Variants in FAHD1 observed in about 807,000 individuals in gnomAD.
FAHD1 encodes oxaloacetate tautomerase FAHD1, mitochondrial.
In FAHD1, 14 loss-of-function variants were observed where a neutral mutation model predicts 12.7. The ratio of observed to expected loss-of-function variants is 1.10; its 90% CI spans 0.73 to 1.72. FAHD1 has a LOEUF of 1.72. Ranked by LOEUF, FAHD1 falls within the 40% of genes most tolerant of loss-of-function variation. The probability of loss-of-function intolerance (pLI) is 0.00; values close to 1 mark genes in which losing one functional copy is unlikely to be tolerated. For synonymous variants in FAHD1, 153 were observed against 124.9 expected (o/e 1.22, Z -1.50); for missense variants, 351 against 298.9 (o/e 1.17, Z -1.29).
chr16:1,832,240 G>A (rs559506925), downstream of FAHD1, among the ~76,000 whole-genome samples: 3 of 134,728 alleles, frequency 2.2e-5, no homozygotes, highest in East Asian at 2.2e-4. Flanking sequence ...GCATGATCTC[G>A]GCTCACTGCA....
downstream of FAHD1, among the ~76,000 whole-genome samples, chr16:1,833,580 AAGAC>A (rs1898664160): frequency 9.9e-6 from 1 of 101,250 alleles, no homozygotes; most frequent in African/African-American, 4.5e-5. Flanking sequence ...TTTTTTTTTT[AAGAC>A]AGAGTCTCGC....
chr16:1,830,934 A>AC (rs1898610262), downstream of FAHD1, among the ~76,000 whole-genome samples: 1 of 97,412 alleles, frequency 1.0e-5, no homozygotes, highest in Non-Finnish European at 2.4e-5. Context: ...ACACACACAC[A>AC]CACACACACA....
At chr16:1,832,753 C>G (rs1405189113), downstream of FAHD1, among the ~76,000 whole-genome samples, 1 of 146,400 alleles carries the variant, frequency 6.8e-6, no homozygotes, top group Non-Finnish European at 1.5e-5. Context: ...AACCACGACA[C>G]CCTCACTTCT....
chr16:1,834,189 T>G (rs1898676758), intron 1 of FAHD1: 1 of 826,490 alleles, frequency 1.2e-6, no homozygotes, highest in African/African-American at 1.7e-5. Flanking sequence ...AATTTTCAAA[T>G]TAATATTCCA....
At chr16:1,829,581 A>G (rs1467235893), downstream of FAHD1, among the ~76,000 whole-genome samples, 2 of 152,234 alleles carry the variant, frequency 1.3e-5, no homozygotes, top group African/African-American at 4.8e-5. Context: ...CCCCATGCTT[A>G]AATTATAATA....
downstream of FAHD1, among the ~76,000 whole-genome samples, chr16:1,833,556 T>TTTTC (rs1199890252): frequency 2.5e-5 from 3 of 120,684 alleles, no homozygotes; most frequent in Non-Finnish European, 3.6e-5. Context: ...TAGAGGTACT[T>TTTTC]TTTTTTTTTT....
intron 2 of FAHD1, chr16:1,839,132 T>C: frequency 8.6e-7 from 1 of 1,168,508 alleles, no homozygotes. Context: ...AGATGATTTT[T>C]TCCCAGGCTG....
At chr16:1,829,663 T>C (rs1003758865), downstream of FAHD1, among the ~76,000 whole-genome samples, 5 of 151,950 alleles carry the variant, frequency 3.3e-5, no homozygotes, top group African/African-American at 1.2e-4. Context: ...TTAGTATTAT[T>C]TTTTCATTGC....
At chr16:1,838,999 A>T (rs1405096546) in intron 2 of FAHD1, among the ~76,000 whole-genome samples, 1 of 152,184 alleles carries the variant, frequency 6.6e-6, no homozygotes, top group East Asian at 1.9e-4. Context: ...GCCCTAAAAC[A>T]TCATGTTTAT....
intron 1 of FAHD1, chr16:1,837,951 T>C: frequency 6.9e-7 from 1 of 1,450,722 alleles, no homozygotes. Context: ...TGAAACAAAC[T>C]TTCTCATTAG....
exon 1 of FAHD1, chr16:1,827,605 A>G: frequency 6.2e-7 from 1 of 1,613,888 alleles, no homozygotes; most frequent in Non-Finnish European, 8.5e-7. Context: ...GAAGAGCTTC[A>G]CGGCGTCCTG....
At chr16:1,835,596 A>G (rs1389116006) in intron 1 of FAHD1, among the ~76,000 whole-genome samples, 1 of 152,192 alleles carries the variant, frequency 6.6e-6, no homozygotes, top group African/African-American at 2.4e-5. Context: ...ATGTTGTGGT[A>G]GTCTGACATT....
At chr16:1,838,065 C>A in exon 2 of FAHD1, 3 of 1,012,786 alleles carry the variant, frequency 3.0e-6, no homozygotes, top group Non-Finnish European at 4.3e-6. Context: ...AGTGCTATCA[C>A]AGCTCACTGC....
At chr16:1,829,336 C>T (rs1011055545), downstream of FAHD1, among the ~76,000 whole-genome samples, 16 of 152,130 alleles carry the variant, frequency 1.1e-4, no homozygotes, top group Non-Finnish European at 1.3e-4. Flanking sequence ...TGTATTTCCA[C>T]GTGTTATGTA....
chr16:1,831,817 G>A (rs1898625351), downstream of FAHD1, among the ~76,000 whole-genome samples: 1 of 152,136 alleles, frequency 6.6e-6, no homozygotes, highest in Non-Finnish European at 1.5e-5. Context: ...AACTGCACAT[G>A]CGAGGGATCT....
At chr16:1,834,854 G>C (rs907097350) in intron 1 of FAHD1, among the ~76,000 whole-genome samples, 1 of 152,182 alleles carries the variant, frequency 6.6e-6, no homozygotes, top group African/African-American at 2.4e-5. Flanking sequence ...AGAATCCCTT[G>C]AACCCGGGAG....
intron 1 of FAHD1, chr16:1,834,390 G>A (rs1567270534): frequency 3.1e-6 from 4 of 1,282,346 alleles, no homozygotes; most frequent in Non-Finnish European, 4.5e-6. Flanking sequence ...CAGAAAAAGA[G>A]ACAAAAGGTT....
chr16:1,830,811 T>C (rs558762430), downstream of FAHD1, among the ~76,000 whole-genome samples: 1 of 152,180 alleles, frequency 6.6e-6, no homozygotes, highest in East Asian at 1.9e-4. Context: ...CTTTAATAGT[T>C]TCAACAATTA....
downstream of FAHD1, among the ~76,000 whole-genome samples, chr16:1,829,190 G>A (rs919198483): frequency 1.3e-5 from 2 of 152,130 alleles, no homozygotes; most frequent in Admixed American, 6.6e-5. Context: ...GAGTCCTTTG[G>A]GCTTCGGCAG....
Sources: allele counts gnomAD v4.1 joint callset (sites outside exome capture counted in the v4.1 genomes callset), GRCh38; gene constraint gnomAD v4.1.1; transcripts MANE v1.5; gene names NCBI Gene and HGNC (gene_info 2026-07-23, HGNC 2026-07-21).